MBTPS2: variants seen among roughly 807,000 people sequenced by gnomAD.
MBTPS2 encodes the protein membrane bound transcription factor peptidase, site 2.
In MBTPS2, 2 loss-of-function variants were observed where a neutral mutation model predicts 35.4. That is an observed-to-expected ratio of 0.06 (90% CI 0.02 to 0.18). The LOEUF (loss-of-function observed/expected upper bound fraction) is 0.18, where lower values mean the gene tolerates loss of function less well. Ranked by LOEUF, MBTPS2 falls within the 10% of genes least tolerant of loss-of-function variation. The pLI is 1.00. For missense variants in MBTPS2, 244 were observed against 386.5 expected (o/e 0.63, Z 3.09); for synonymous variants, 125 against 140.4 (o/e 0.89, Z 0.77).
Position 21,882,465 on chromosome X carries a change from T to C in MBTPS2, c.1370T>C (p.Ile457Thr), listed in dbSNP as rs909562315. 3 of 1,211,836 alleles carry C rather than the reference T, an allele frequency of 2.5e-6. No individual in the cohort carries two copies. Among genetic ancestry groups the C allele is most frequent in the Admixed American group, 2.2e-5 (1 of 46,077 alleles). The change falls in exon 11 of 11, where the codon ATT (isoleucine) becomes ACT (threonine). Residue 457 changes from isoleucine to threonine, a missense_variant. By Grantham distance (89) the Ile-to-Thr change is moderately conservative. Coordinates refer to ENST00000379484, the MANE Select transcript of MBTPS2 (RefSeq NM_015884.4). Reference sequence around the variant, plus strand: ...ATTTCCCTCTCAGGAGCTCTGGCTATTGTTAATGCAGTACCCTGCTTTGCT... The same window carrying C: ...ATTTCCCTCTCAGGAGCTCTGGCTACTGTTAATGCAGTACCCTGCTTTGCT... The part of the protein sequence containing the change: ...YLISLSGALA[I>T]VNAVPCFALD...
intron 5 of MBTPS2, chrX:21,856,158 G>A (rs1569323402): frequency 3.9e-6 from 1 of 258,741 alleles, no homozygotes; most frequent in Non-Finnish European, 6.9e-6. Flanking sequence ...GTCGCAGGGT[G>A]GCAAACGTAC....
intron 7 of MBTPS2, among the ~76,000 whole-genome samples, chrX:21,877,311 G>T (rs950117863): frequency 9.0e-6 from 1 of 111,681 alleles, no homozygotes; most frequent in Non-Finnish European, 1.9e-5. Flanking sequence ...GTGCAGTGGC[G>T]CATGCCTGTA....
intron 5 of MBTPS2, chrX:21,858,573 C>A (rs1324621432): frequency 8.1e-6 from 1 of 122,792 alleles, no homozygotes; most frequent in Non-Finnish European, 1.9e-5. Flanking sequence ...GACAGCCCCA[C>A]GAAACACATA....
chrX:21,867,034 A>T, intron 5 of MBTPS2, among the ~76,000 whole-genome samples: 1 of 42,197 alleles, frequency 2.4e-5, no homozygotes, highest in Admixed American at 3.4e-4. Flanking sequence ...AAAAAAAAGA[A>T]AAAAAGAAAA....
At chrX:21,862,921 T>C (rs1421877673) in intron 5 of MBTPS2, among the ~76,000 whole-genome samples, 8 of 56,066 alleles carry the variant, frequency 1.4e-4, no homozygotes, top group Non-Finnish European at 2.2e-4. Flanking sequence ...TATATAAACA[T>C]ATATATATAA....
intron 5 of MBTPS2, among the ~76,000 whole-genome samples, chrX:21,867,051 C>G (rs1451338160): frequency 9.1e-6 from 1 of 109,659 alleles, no homozygotes; most frequent in East Asian, 2.8e-4. Flanking sequence ...AAAAAAAATC[C>G]TAATTTGAAT....
intron 2 of MBTPS2, 114 bp from the exon 3 acceptor site, chrX:21,845,057 C>G: frequency 8.8e-7 from 1 of 1,133,116 alleles, no homozygotes; most frequent in South Asian, 1.9e-5. Context: ...AGCAGAGTTA[C>G]TGAAATTTTT....
intron 5 of MBTPS2, among the ~76,000 whole-genome samples, chrX:21,862,933 C>CATATATATATATATATATATATATATAT (rs542223686): frequency 4.3e-4 from 12 of 27,669 alleles, no homozygotes; most frequent in Non-Finnish European, 7.8e-4. Context: ...TATATATAAA[C>CATATATATATATATATATATATATATAT]ATATATATAT....
intron 5 of MBTPS2, among the ~76,000 whole-genome samples, chrX:21,861,203 A>C (rs1486899880): frequency 8.9e-6 from 1 of 112,182 alleles, no homozygotes; most frequent in East Asian, 2.8e-4. Flanking sequence ...GATAGCATCC[A>C]GTGTCATTCA....
At chrX:21,873,588 A>G (rs2092949616) in intron 7 of MBTPS2, among the ~76,000 whole-genome samples, 1 of 111,977 alleles carries the variant, frequency 8.9e-6, no homozygotes, top group African/African-American at 3.2e-5. Flanking sequence ...AAGGAGCACG[A>G]GACAGAATGC....
chrX:21,856,618 T>C (rs1181657985), intron 5 of MBTPS2: 2 of 1,210,298 alleles, frequency 1.7e-6, no homozygotes, highest in Non-Finnish European at 2.2e-6. Flanking sequence ...TACGAGGATG[T>C]GGATGGCAAT....
In MBTPS2 at chrX:21,883,216, G is replaced by A. The variant is rs1029318830; in HGVS notation, c.*561G>A. On this transcript the variant is annotated 3_prime_UTR_variant, in exon 11 of 11. Transcript: ENST00000379484. ...AAATTCTATAGAAGAATCTGCTGACGTGAAAGGGAAAAATCTTTGTCAAAT... is the reference window on the plus strand; with the variant it reads ...AAATTCTATAGAAGAATCTGCTGACATGAAAGGGAAAAATCTTTGTCAAAT... The A allele has an allele frequency of 2.0e-5, 15 of 756,028 alleles. No individual in the cohort carries two copies. The South Asian group carries it at 4.0e-4, about 20-fold the overall frequency. 62.3% of individuals were successfully genotyped at this position (756,028 alleles called of 1,213,427 possible). A position where few individuals can be genotyped will look rare whatever the true frequency, so the allele number is the denominator to read the frequency against.
chrX:21,862,933 C>CATATATATATAAACATATATAT (rs2092934141), intron 5 of MBTPS2, among the ~76,000 whole-genome samples: 1 of 27,685 alleles, frequency 3.6e-5, no homozygotes, highest in African/African-American at 7.8e-5. Context: ...TATATATAAA[C>CATATATATATAAACATATATAT]ATATATATAT....
chrX:21,857,473 C>T, intron 5 of MBTPS2: 1 of 1,212,011 alleles, frequency 8.3e-7, no homozygotes, highest in Non-Finnish European at 1.1e-6. Context: ...AATTTGCGCA[C>T]ACACTTGCGC....
chrX:21,867,347 A>G (rs1440514247), intron 5 of MBTPS2, among the ~76,000 whole-genome samples: 1 of 112,022 alleles, frequency 8.9e-6, no homozygotes, highest in Admixed American at 9.5e-5. Context: ...AGTTATATGT[A>G]TCAGTCACAC....
At chrX:21,845,485 A>G (rs2092907724) in intron 3 of MBTPS2, 101 bp downstream of exon 3, 2 of 811,304 alleles carry the variant, frequency 2.5e-6, no homozygotes, top group Non-Finnish European at 3.4e-6. Flanking sequence ...ATATGAAAAT[A>G]AATTAAAAGT....
chrX:21,869,160 G>A (rs370902297), intron 6 of MBTPS2, among the ~76,000 whole-genome samples: 7 of 112,160 alleles, frequency 6.2e-5, no homozygotes, highest in East Asian at 2.8e-4. Context: ...TGTTTTATGC[G>A]TTAAGGATAT....
At chrX:21,853,625 G>C (rs979971991) in intron 5 of MBTPS2, 122 bp downstream of exon 5, 8 of 680,869 alleles carry the variant, frequency 1.2e-5, no homozygotes, top group Non-Finnish European at 1.8e-5. Flanking sequence ...AATAACTTCA[G>C]TTTATAAGAC....
Position 21,839,707 on chromosome X carries a change from C to T in MBTPS2, c.-28C>T. 8.6e-7 allele frequency: 1 copy of T among 1,166,543 alleles called. No homozygotes were observed. The highest frequency in any genetic ancestry group is 1.1e-6 in the Non-Finnish European group (1 of 870,707). On this transcript the variant is annotated 5_prime_UTR_variant, in exon 1 of 11. Transcript: ENST00000379484. ...GCAGGGAGGAGGACGCCGGGGCTCG[C>T]CTTCCCTCCTCTGCCGCCGCTGCCG...
Sources: allele counts gnomAD v4.1 joint callset (sites outside exome capture counted in the v4.1 genomes callset), GRCh38; gene constraint gnomAD v4.1.1; transcripts MANE v1.5; gene names NCBI Gene and HGNC (gene_info 2026-07-23, HGNC 2026-07-21).